KIAA1217: variants seen among roughly 807,000 people sequenced by gnomAD.
KIAA1217 encodes the protein KIAA1217, also known as sickle tail protein homolog.
Under a neutral mutation model 163.9 loss-of-function variants are expected in KIAA1217, and 88 were observed. The observed-to-expected ratio is 0.54, with a 90% confidence interval of 0.45 to 0.64. KIAA1217 has a LOEUF of 0.64. Ranked by LOEUF, KIAA1217 falls within the 30% of genes least tolerant of loss-of-function variation. The pLI is 0.00. For missense variants in KIAA1217, 2,372 were observed against 2,475.0 expected, an observed-to-expected ratio of 0.96 and a Z score of 0.88; for synonymous variants, 903 against 923.1, an observed-to-expected ratio of 0.98 and a Z score of 0.39.
At chr10:24,419,014 T>A (rs993133347) in intron 3 of KIAA1217, among the ~76,000 whole-genome samples, 2 of 151,898 alleles carry the variant, frequency 1.3e-5, no homozygotes, top group African/African-American at 4.8e-5. Flanking sequence ...CTGTCTCTAC[T>A]AAAAATACAA....
At chr10:24,348,307 T>TAGCCTG (rs972108132) in intron 2 of KIAA1217, among the ~76,000 whole-genome samples, 8 of 151,548 alleles carry the variant, frequency 5.3e-5, no homozygotes, top group Non-Finnish European at 2.9e-5. Context: ...CACTGCACTC[T>TAGCCTG]AGCCTGGGTG....
At chr10:24,346,351 A>C (rs2047764346) in intron 2 of KIAA1217, among the ~76,000 whole-genome samples, 1 of 151,802 alleles carries the variant, frequency 6.6e-6, no homozygotes, top group Non-Finnish European at 1.5e-5. Context: ...GGGCACCTGC[A>C]GTCCCAGCTA....
intron 2 of KIAA1217, among the ~76,000 whole-genome samples, chr10:24,228,299 TA>T (rs911191079): frequency 6.6e-6 from 1 of 151,986 alleles, no homozygotes; most frequent in Admixed American, 6.6e-5. Context: ...TAGGTTATCA[TA>T]AGAAAGCTGC....
intron 1 of KIAA1217, among the ~76,000 whole-genome samples, chr10:23,827,579 A>C (rs1244837465): frequency 6.6e-6 from 1 of 152,162 alleles, no homozygotes; most frequent in Non-Finnish European, 1.5e-5. Context: ...GTGGGAACAG[A>C]GCAGTAAGGA....
Position 24,484,979 on chromosome 10 carries a change from A to G in KIAA1217, c.1680-9521A>G, listed in dbSNP as rs118147186. ...GCTGCCTGGAGCCTTCCCTAAGTGC[A>G]TTTGCTGTGCTGGGCAGAGCACTGC... On this transcript the variant is annotated intron_variant, in intron 6 of 20. Coordinates refer to ENST00000376454, the MANE Select transcript of KIAA1217 (RefSeq NM_019590.5). 2.4e-4 allele frequency among the ~76,000 whole-genome samples: 36 copies of G among 151,928 alleles called. No homozygotes were observed. In the East Asian group the frequency reaches 7.0e-3, roughly 30 times the overall value.
intron 2 of KIAA1217, chr10:24,158,233 A>C: frequency 1.4e-6 from 1 of 730,170 alleles, no homozygotes; most frequent in Non-Finnish European, 2.6e-6. Flanking sequence ...AGGGCAAAGT[A>C]CGTTTAGTCC....
At chr10:23,905,791 C>A (rs1329368753) in intron 1 of KIAA1217, among the ~76,000 whole-genome samples, 2 of 152,134 alleles carry the variant, frequency 1.3e-5, no homozygotes, top group African/African-American at 4.8e-5. Flanking sequence ...AAATGTTAAC[C>A]ATTCCCCCAA....
chr10:24,352,642 G>A (rs1220882815), intron 2 of KIAA1217, among the ~76,000 whole-genome samples: 1 of 152,166 alleles, frequency 6.6e-6, no homozygotes, highest in Non-Finnish European at 1.5e-5. Flanking sequence ...TGTTCCCAGA[G>A]GCAAAGGCAC....
intron 1 of KIAA1217, among the ~76,000 whole-genome samples, chr10:23,802,635 C>G (rs1198391314): frequency 1.3e-5 from 2 of 152,146 alleles, no homozygotes; most frequent in African/African-American, 4.8e-5. Flanking sequence ...AATAGAAATG[C>G]CAGTTATCTT....
At chr10:24,464,566 C>A (rs2062751323) in intron 5 of KIAA1217, among the ~76,000 whole-genome samples, 1 of 152,098 alleles carries the variant, frequency 6.6e-6, no homozygotes, top group Admixed American at 6.6e-5. Context: ...TCACTGTAGC[C>A]TCTCAACCTC....
chr10:24,207,282 T>TCTCTCTCTCTCTCACACACACA (rs529791287), upstream of KIAA1217, among the ~76,000 whole-genome samples: 1 of 140,166 alleles, frequency 7.1e-6, no homozygotes, highest in Admixed American at 7.0e-5. Flanking sequence ...TCTCTCTCTC[T>TCTCTCTCTCTCTCACACACACA]CACACACACA....
chr10:24,211,566 TA>T, intron 1 of KIAA1217, among the ~76,000 whole-genome samples: 1 of 139,884 alleles, frequency 7.1e-6, no homozygotes, highest in African/African-American at 2.8e-5. Flanking sequence ...TATTGTATTG[TA>T]TTGTATTGTA....
chr10:24,508,205 G>T (rs2068619300), intron 9 of KIAA1217, among the ~76,000 whole-genome samples: 1 of 152,094 alleles, frequency 6.6e-6, no homozygotes, highest in African/African-American at 2.4e-5. Flanking sequence ...AGGAATGCAA[G>T]ATTGTTTTAA....
chr10:24,108,357 A>C (rs2062710922), intron 2 of KIAA1217, among the ~76,000 whole-genome samples: 1 of 152,214 alleles, frequency 6.6e-6, no homozygotes, highest in Admixed American at 6.5e-5. Context: ...GGGTTTCTTA[A>C]GATTGAAAAG....
intron 8 of KIAA1217, among the ~76,000 whole-genome samples, chr10:24,496,305 C>T (rs1209522782): frequency 1.3e-5 from 2 of 152,202 alleles, no homozygotes; most frequent in Non-Finnish European, 2.9e-5. Context: ...TGGCCTTGGC[C>T]GAAGCCAGAG....
chr10:24,209,360 G>GAAAAA (rs397774795), intron 1 of KIAA1217, 97 bp downstream of exon 1: 3 of 584,892 alleles, frequency 5.1e-6, no homozygotes, highest in South Asian at 2.4e-5. Flanking sequence ...CCCGGCAAAG[G>GAAAAA]AAAAAAAAAA....
intron 8 of KIAA1217, among the ~76,000 whole-genome samples, chr10:24,497,614 G>A (rs914660746): frequency 1.3e-5 from 2 of 151,958 alleles, no homozygotes; most frequent in African/African-American, 4.8e-5. Flanking sequence ...CACATACTTG[G>A]GAGGCTGAGG....
chr10:24,378,852 T>C lies in KIAA1217; in HGVS notation c.355-2017T>C, dbSNP rs528616298. ...GTTTACATTTGGAGCTAAATAGCTATGTTTAGGAAGTGAGGGGAGAAAAAA... is the reference window on the plus strand; with the variant it reads ...GTTTACATTTGGAGCTAAATAGCTACGTTTAGGAAGTGAGGGGAGAAAAAA... On this transcript the variant is annotated intron_variant, in intron 2 of 20. Coordinates refer to ENST00000376454, the MANE Select transcript of KIAA1217 (RefSeq NM_019590.5). Among the ~76,000 whole-genome samples the C allele has an allele frequency of 2.0e-5, 3 of 152,310 alleles. No individual in the cohort carries two copies. In the South Asian group the frequency reaches 6.2e-4, roughly 32 times the overall value.
At chr10:24,243,701 A>T (rs1409668970) in intron 2 of KIAA1217, among the ~76,000 whole-genome samples, 2 of 151,848 alleles carry the variant, frequency 1.3e-5, no homozygotes, top group Admixed American at 6.6e-5. Context: ...GTATGAATAC[A>T]TACGAATGAA....
Sources: gnomAD v4.1 joint callset for allele counts (sites outside exome capture counted in the v4.1 genomes callset) on GRCh38, gnomAD v4.1.1 for gene constraint, MANE v1.5 for transcripts, NCBI Gene and HGNC (gene_info 2026-07-23, HGNC 2026-07-21) for gene names.